Variants in GPC5 observed in about 807,000 individuals in gnomAD.
GPC5 encodes the protein glypican 5.
A neutral mutation model predicts 53.9 loss-of-function variants in GPC5; 47 were observed. The observed-to-expected ratio is 0.87, with a 90% CI of 0.69 to 1.11. The LOEUF is 1.11. Among genes scored for constraint, GPC5 ranks in the 50% most tolerant of loss-of-function variants. GPC5 has a pLI of 0.00. For missense variants in GPC5, 748 were observed against 713.1 expected (o/e 1.05, Z -0.56); for synonymous variants, 286 against 263.3 (o/e 1.09, Z -0.84).
chr13:91,763,191 G>C (rs934544236), intron 5 of GPC5, among the ~76,000 whole-genome samples: 1 of 152,136 alleles, frequency 6.6e-6, no homozygotes, highest in Non-Finnish European at 1.5e-5. Flanking sequence ...AAGTGAAGTT[G>C]ATGCCTGAAA....
chr13:91,774,066 G>A (rs774869431), intron 5 of GPC5, among the ~76,000 whole-genome samples: 5 of 152,082 alleles, frequency 3.3e-5, no homozygotes, highest in African/African-American at 9.7e-5. Flanking sequence ...TAACAGCCAG[G>A]ATTACAAACT....
At chr13:91,526,147 C>A (rs1386188018) in intron 2 of GPC5, among the ~76,000 whole-genome samples, 1 of 152,098 alleles carries the variant, frequency 6.6e-6, no homozygotes, top group Admixed American at 6.5e-5. Flanking sequence ...TGAATTTGGT[C>A]ATTTAAAGGA....
chr13:92,611,277 GA>G (rs1394602169), intron 7 of GPC5, among the ~76,000 whole-genome samples: 7 of 152,082 alleles, frequency 4.6e-5, no homozygotes, highest in Admixed American at 1.3e-4. Flanking sequence ...GAGGTACAAA[GA>G]AAAAGAGGAC....
chr13:92,252,549 T>G (rs543270515), intron 7 of GPC5, among the ~76,000 whole-genome samples: 1 of 152,182 alleles, frequency 6.6e-6, no homozygotes, highest in South Asian at 2.1e-4. Context: ...GTAAGAATGT[T>G]ATAGAGTAAA....
chr13:91,589,196 TA>T (rs1480716758), intron 2 of GPC5, among the ~76,000 whole-genome samples: 3 of 151,646 alleles, frequency 2.0e-5, no homozygotes, highest in Non-Finnish European at 4.4e-5. Flanking sequence ...ACTGTTTTTT[TA>T]TGATAACACT....
chr13:92,273,831 T>C (rs769020693), intron 7 of GPC5, among the ~76,000 whole-genome samples: 1 of 152,062 alleles, frequency 6.6e-6, no homozygotes, highest in Admixed American at 6.6e-5. Context: ...CAGTCATAGA[T>C]GAAGAGAAAG....
intron 2 of GPC5, among the ~76,000 whole-genome samples, chr13:91,556,611 A>G (rs2030970781): frequency 6.6e-6 from 1 of 151,782 alleles, no homozygotes; most frequent in Admixed American, 6.6e-5. Flanking sequence ...ACACACACAT[A>G]TATACACACC....
intron 7 of GPC5, among the ~76,000 whole-genome samples, chr13:92,856,430 A>T (rs1330912876): frequency 6.6e-6 from 1 of 152,106 alleles, no homozygotes; most frequent in African/African-American, 2.4e-5. Context: ...TAAGAAGTGA[A>T]ACAAGACAAA....
intron 3 of GPC5, among the ~76,000 whole-genome samples, chr13:91,702,437 T>C (rs1205085443): frequency 1.3e-5 from 2 of 152,114 alleles, no homozygotes; most frequent in African/African-American, 2.4e-5. Context: ...CTTATGTTAG[T>C]CCAAAATTAA....
intron 7 of GPC5, among the ~76,000 whole-genome samples, chr13:92,578,590 G>A (rs1883261165): frequency 6.6e-6 from 1 of 152,130 alleles, no homozygotes; most frequent in African/African-American, 2.4e-5. Context: ...TCCGAGGGCT[G>A]GAGAAGCTCC....
rs1026203165 is a variant in GPC5, at chr13:91,921,773, G to T, written c.1401+13716G>T. ...CTAGCCTGGGCAACATAGCAAGACTGCCTTTAAAAAAAAAAAAGAAAGAAA... is the reference window on the plus strand; with the variant it reads ...CTAGCCTGGGCAACATAGCAAGACTTCCTTTAAAAAAAAAAAAGAAAGAAA... On this transcript the variant is annotated intron_variant, in intron 6 of 7. Transcript: ENST00000377067. Among the ~76,000 whole-genome samples the T allele has an allele frequency of 2.3e-5, 3 of 133,206 alleles. No individual in the cohort carries two copies. In the Admixed American group the frequency reaches 2.3e-4, roughly 10 times the overall value. 87.4% of individuals were successfully genotyped at this position (133,206 alleles called of 152,430 possible). A position where few individuals can be genotyped will look rare whatever the true frequency, so the allele number is the denominator to read the frequency against.
intron 4 of GPC5, 49 bp from the exon 5 acceptor site, chr13:91,756,246 T>G: frequency 7.1e-7 from 1 of 1,410,152 alleles, no homozygotes; most frequent in South Asian, 1.7e-5. Flanking sequence ...TTTGATGGCC[T>G]TTATTGTGGA....
intron 2 of GPC5, among the ~76,000 whole-genome samples, chr13:91,626,655 AT>A (rs1172608531): frequency 2.6e-5 from 4 of 151,500 alleles, no homozygotes; most frequent in African/African-American, 4.8e-5. Flanking sequence ...ATTTTATTTT[AT>A]TTTTTTATTT....
chr13:92,374,115 A>C (rs551633513), intron 7 of GPC5, among the ~76,000 whole-genome samples: 1 of 152,304 alleles, frequency 6.6e-6, no homozygotes, highest in South Asian at 2.1e-4. Flanking sequence ...GAACTTGATA[A>C]ATTCTTCCTT....
intron 7 of GPC5, among the ~76,000 whole-genome samples, chr13:92,303,101 T>A (rs1887155): frequency 2.0e-5 from 3 of 151,890 alleles, no homozygotes; most frequent in East Asian, 1.9e-4. Context: ...TTTTCCCCCC[T>A]ATGGTTCTTT....
chr13:92,530,246 C>A (rs1257655617), intron 7 of GPC5, among the ~76,000 whole-genome samples: 3 of 152,044 alleles, frequency 2.0e-5, no homozygotes, highest in Non-Finnish European at 4.4e-5. Context: ...TTAGGAGCTT[C>A]CATGTTAAAA....
chr13:91,847,451 C>T (rs1012070033), intron 5 of GPC5, among the ~76,000 whole-genome samples: 20 of 151,894 alleles, frequency 1.3e-4, no homozygotes, highest in Non-Finnish European at 2.1e-4. Flanking sequence ...GAAAAAAATG[C>T]TGTCAAAGAG....
intron 2 of GPC5, among the ~76,000 whole-genome samples, chr13:91,548,534 T>C (rs1228189086): frequency 6.6e-6 from 1 of 152,210 alleles, no homozygotes; most frequent in African/African-American, 2.4e-5. Flanking sequence ...TCAGTTCTTC[T>C]AATTCAGCCT....
At chr13:92,349,384 A>T (rs1594122001) in intron 7 of GPC5, among the ~76,000 whole-genome samples, 1 of 150,952 alleles carries the variant, frequency 6.6e-6, no homozygotes, top group African/African-American at 2.4e-5. Context: ...ACCTCAGGTG[A>T]TTTGCCCGCC....
Sources: gnomAD v4.1 joint callset for allele counts (sites outside exome capture counted in the v4.1 genomes callset) on GRCh38, gnomAD v4.1.1 for gene constraint, MANE v1.5 for transcripts, NCBI Gene and HGNC (gene_info 2026-07-23, HGNC 2026-07-21) for gene names.